Variants in VPS35 observed in about 807,000 individuals in gnomAD.
VPS35 encodes vacuolar protein sorting-associated protein 35.
In VPS35, 21 loss-of-function variants were observed where a neutral mutation model predicts 98.1. The observed-to-expected ratio is 0.21, with a 90% confidence interval of 0.15 to 0.31. VPS35 has a LOEUF of 0.31. Ranked by LOEUF, VPS35 falls within the 10% of genes least tolerant of loss-of-function variation. The pLI is 1.00. For missense variants in VPS35, 554 were observed against 950.8 expected (o/e 0.58, Z 5.49); for synonymous variants, 268 against 318.2 (o/e 0.84, Z 1.68).
chr16:46,671,127 GAAAA>G (rs202082366), intron 12 of VPS35, among the ~76,000 whole-genome samples: 2 of 139,796 alleles, frequency 1.4e-5, no homozygotes, highest in Admixed American at 1.4e-4. Flanking sequence ...TTCTTTATCA[GAAAA>G]AAAAAAGTTA....
chr16:46,688,679 G>C (rs1223232708), intron 1 of VPS35: 1 of 1,056,764 alleles, frequency 9.5e-7, no homozygotes, highest in Non-Finnish European at 1.1e-6. Flanking sequence ...GCGTGGGGAC[G>C]GCCGAGCACA....
intron 12 of VPS35, among the ~76,000 whole-genome samples, chr16:46,670,440 C>T (rs1274022162): frequency 4.6e-5 from 7 of 152,096 alleles, no homozygotes; most frequent in South Asian, 2.1e-4. Flanking sequence ...CCCACCACCA[C>T]GCCCAGCTAA....
intron 7 of VPS35, 30 bp from the exon 8 acceptor site, chr16:46,676,722 AG>A (rs1966158010): frequency 1.4e-6 from 2 of 1,476,016 alleles, no homozygotes; most frequent in Non-Finnish European, 1.9e-6. Flanking sequence ...TACAAATAAA[AG>A]TATTTCACGT....
chr16:46,667,983 T>C (rs1429614070), intron 13 of VPS35, among the ~76,000 whole-genome samples: 2 of 152,228 alleles, frequency 1.3e-5, no homozygotes, highest in Admixed American at 6.5e-5. Context: ...CAAATTCCTA[T>C]CCATAAACGC....
rs3743928 is a variant in VPS35, at chr16:46,689,167, C to G, written c.-34G>C. The G allele has an allele frequency of 2.3e-5, 37 of 1,603,428 alleles. No homozygotes were observed. In the African/African-American group the frequency reaches 3.5e-4, roughly 15 times the overall value. On this transcript the variant is annotated 5_prime_UTR_variant, in exon 1 of 17. Coordinates refer to ENST00000299138, the MANE Select transcript of VPS35 (RefSeq NM_018206.6). ...CCCAGAGCCTGCAGCAAGCAGCACC[C>G]GCCCCGCGCGTAGCCTCCCGCGGTC...
intron 10 of VPS35, chr16:46,673,922 T>C (rs1246719859): frequency 9.6e-6 from 2 of 208,408 alleles, no homozygotes; most frequent in African/African-American, 4.7e-5. Context: ...TAAACTTTCT[T>C]AAAACATTAT....
At chr16:46,677,613 G>T in intron 6 of VPS35, 1 of 527,500 alleles carries the variant, frequency 1.9e-6, no homozygotes, top group Non-Finnish European at 3.4e-6. Flanking sequence ...TCCACTCAAT[G>T]CAACATCCAC....
chr16:46,669,107 T>G (rs1225050961), intron 12 of VPS35, 55 bp from the exon 13 acceptor site: 35 of 1,604,536 alleles, frequency 2.2e-5, no homozygotes, highest in Non-Finnish European at 2.8e-5. Context: ...TAATCATTTG[T>G]GAAATAAATG....
In VPS35 at chr16:46,663,117, G is replaced by A; in HGVS notation, c.1693C>T (p.His565Tyr). 2 of 1,614,056 alleles carry A rather than the reference G, an allele frequency of 1.2e-6. No individual in the cohort carries two copies. Among genetic ancestry groups the A allele is most frequent in the Non-Finnish European group, 1.7e-6 (2 of 1,179,988 alleles). ...KKCQKIFSFA[H>Y]QTISALIKAE... ...TTGATCAAAGCACTGATAGTCTGGT[G>A]GGCAAATGAAAAAATCTTCTGGCAT... The change falls in exon 14 of 17, where the codon CAC becomes TAC. Residue 565 changes from histidine (H) to tyrosine (Y), a missense_variant. His to Tyr is a moderately conservative substitution (Grantham distance 83). Around this residue, in one of 5 missense-constraint regions of VPS35, gnomAD observed 254 missense variants for 390.1 expected, o/e 0.65. Coordinates refer to ENST00000299138, the MANE Select transcript of VPS35 (RefSeq NM_018206.6).
chr16:46,680,645 C>CA, intron 5 of VPS35, 26 bp downstream of exon 5: 1 of 1,610,210 alleles, frequency 6.2e-7, no homozygotes, highest in East Asian at 2.2e-5. Context: ...AATATTGCAA[C>CA]AAAATTAAGA....
At chr16:46,672,600 C>A in intron 10 of VPS35, 128 bp from the exon 11 acceptor site, 1 of 752,432 alleles carries the variant, frequency 1.3e-6, no homozygotes, top group African/African-American at 1.8e-5. Flanking sequence ...TGAATCATAC[C>A]ACCACAGAAG....
At chr16:46,671,918 A>G (rs1206291047) in intron 11 of VPS35, 58 bp from the exon 12 acceptor site, 1 of 1,604,476 alleles carries the variant, frequency 6.2e-7, no homozygotes, top group Non-Finnish European at 8.5e-7. Context: ...ATACAAAGCC[A>G]TTATCAAAAG....
Position 46,689,167 on chromosome 16 carries a change from C to CG in VPS35, c.-35dup. On this transcript the variant is annotated 5_prime_UTR_variant, in exon 1 of 17. Coordinates refer to ENST00000299138, the MANE Select transcript of VPS35 (RefSeq NM_018206.6). ...CCCAGAGCCTGCAGCAAGCAGCACC[C>CG]GCCCCGCGCGTAGCCTCCCGCGGTC... 6.2e-7 allele frequency: 1 copy of CG among 1,603,546 alleles called. No homozygotes were observed. Among genetic ancestry groups the CG allele is most frequent in the Non-Finnish European group, 8.5e-7 (1 of 1,176,192 alleles).
At chr16:46,674,994 A>G (rs1341897209) in intron 8 of VPS35, among the ~76,000 whole-genome samples, 1 of 61,596 alleles carries the variant, frequency 1.6e-5, no homozygotes, top group East Asian at 1.6e-3. Flanking sequence ...GGGTTTCACC[A>G]TGTTGCCCAG....
Position 46,674,428 on chromosome 16 carries a change from G to A in VPS35, c.1046C>T (p.Ser349Phe), listed in dbSNP as rs1211764010. ...AAGATTAATCAGAGAGACTTGTAAA[G>A]ATACAACATCCTCTGAAGGCATGTC... ...RQDMPSEDVV[S>F]LQVSLINLAM... Residue 349 changes from serine (S) to phenylalanine (F), a missense_variant, in exon 10 of 17, where the codon TCT becomes TTT. This residue lies in a region of VPS35 where 254 missense variants were observed against 390.1 expected (regional missense o/e 0.65). Transcript: ENST00000299138. 1 of 1,613,590 alleles carries A rather than the reference G, an allele frequency of 6.2e-7. No homozygotes were observed. The highest frequency in any genetic ancestry group is 2.2e-5 in the East Asian group (1 of 44,860).
Position 46,671,226 on chromosome 16 carries a change from C to T in VPS35, c.1524+479G>A, listed in dbSNP as rs576503344. Among the ~76,000 whole-genome samples, 3 of 151,884 alleles carry T rather than the reference C, an allele frequency of 2.0e-5. No individual in the cohort carries two copies. In the East Asian group the frequency reaches 5.8e-4, roughly 29 times the overall value. On this transcript the variant is annotated intron_variant, in intron 12 of 16. Transcript: ENST00000299138. ...ATATGACAAATATAATTTATACTTG[C>T]AAATTTGGAAAAGTAAAATTAAATA...
At chr16:46,675,233 T>C (rs1347623804) in intron 8 of VPS35, among the ~76,000 whole-genome samples, 2 of 152,058 alleles carry the variant, frequency 1.3e-5, no homozygotes, top group African/African-American at 4.8e-5. Context: ...TGGACAGAAA[T>C]GCATTAAAGT....
At chr16:46,662,010 G>A (rs1238380680) in intron 15 of VPS35, 149 bp from the exon 16 acceptor site, 1 of 1,319,898 alleles carries the variant, frequency 7.6e-7, no homozygotes, top group Non-Finnish European at 1.0e-6. Flanking sequence ...TTGTTTTGAA[G>A]TATACAGCTG....
chr16:46,685,851 TTTTC>T (rs1367835406), intron 1 of VPS35, among the ~76,000 whole-genome samples: 1 of 152,166 alleles, frequency 6.6e-6, no homozygotes, highest in East Asian at 1.9e-4. Context: ...TTTTTTTTAT[TTTTC>T]TTTATGATAC....
Sources: gnomAD v4.1 joint callset for allele counts (sites outside exome capture counted in the v4.1 genomes callset) on GRCh38, gnomAD v4.1.1 for gene constraint, gnomAD v4.1.1 regional missense constraint, MANE v1.5 for transcripts, NCBI Gene and HGNC (gene_info 2026-07-23, HGNC 2026-07-21) for gene names.